Variants in IL36B observed in about 807,000 individuals in gnomAD.
IL36B encodes the protein interleukin 36 beta.
A neutral mutation model predicts 19.3 loss-of-function variants in IL36B; 23 were observed. The ratio of observed to expected loss-of-function variants is 1.19; its 90% CI spans 0.86 to 1.69. IL36B has a LOEUF of 1.69. Among genes scored for constraint, IL36B ranks in the 40% most tolerant of loss-of-function variants. The pLI is 0.00. For missense variants in IL36B, 217 were observed against 200.5 expected (o/e 1.08, Z -0.50); for synonymous variants, 59 against 59.7 (o/e 0.99, Z 0.05).
intron 1 of IL36B, among the ~76,000 whole-genome samples, chr2:113,038,495 A>G (rs902862765): frequency 6.6e-6 from 1 of 152,228 alleles, no homozygotes; most frequent in Non-Finnish European, 1.5e-5. Context: ...CCAGTTTCGA[A>G]AAGTAAGTAT....
chr2:113,048,374 G>A (rs765307295), intron 1 of IL36B, among the ~76,000 whole-genome samples: 5 of 152,110 alleles, frequency 3.3e-5, no homozygotes, highest in African/African-American at 4.8e-5. Context: ...CCCGGGAGGC[G>A]AAGATTGCAG....
At chr2:113,043,858 T>C (rs1334884458) in intron 1 of IL36B, among the ~76,000 whole-genome samples, 1 of 152,206 alleles carries the variant, frequency 6.6e-6, no homozygotes, top group Non-Finnish European at 1.5e-5. Context: ...CCAGCCACAC[T>C]GGTTGTATTT....
chr2:113,027,210 G>A (rs527393777), intron 4 of IL36B, among the ~76,000 whole-genome samples: 5 of 152,282 alleles, frequency 3.3e-5, no homozygotes, highest in African/African-American at 1.2e-4. Context: ...CACATTGACT[G>A]AGGAGAAGAA....
chr2:113,050,521 T>G (rs569440743), intron 1 of IL36B, among the ~76,000 whole-genome samples: 1 of 152,260 alleles, frequency 6.6e-6, no homozygotes, highest in South Asian at 2.1e-4. Context: ...GTTCTGGAGA[T>G]GGATGGTGGT....
At chr2:113,033,738 A>C (rs1685119676) in intron 1 of IL36B, among the ~76,000 whole-genome samples, 1 of 152,198 alleles carries the variant, frequency 6.6e-6, no homozygotes, top group East Asian at 1.9e-4. Context: ...TAGCCGGAAC[A>C]CAGTCTTGCA....
At chr2:113,027,995 C>A (rs1684995579) in intron 4 of IL36B, 4 of 1,614,148 alleles carry the variant, frequency 2.5e-6, no homozygotes, top group Non-Finnish European at 3.4e-6. Context: ...GTGGAGGTGG[C>A]TATGAACCAG....
At chr2:113,047,985 T>G (rs1685377327) in intron 1 of IL36B, among the ~76,000 whole-genome samples, 2 of 152,052 alleles carry the variant, frequency 1.3e-5, no homozygotes, top group Admixed American at 1.3e-4. Context: ...AACAGCAAGA[T>G]GGTAGATATT....
chr2:113,022,333 G>C lies in IL36B; in HGVS notation c.*341C>G, dbSNP rs1684876171. 5.5e-6 allele frequency: 1 copy of C among 181,308 alleles called. No individual in the cohort carries two copies. Among genetic ancestry groups the C allele is most frequent in the Non-Finnish European group, 1.2e-5 (1 of 86,766 alleles). 11.2% of individuals were successfully genotyped at this position (181,308 alleles called of 1,614,324 possible). On this transcript the variant is annotated 3_prime_UTR_variant, in exon 6 of 6. Transcript: ENST00000259213. ...AAAAGAAATAACAGATTGAGCTCTA[G>C]TAGCTTGCTGCTCTGTGGGAATTCA...
intron 1 of IL36B, among the ~76,000 whole-genome samples, chr2:113,034,420 AT>A (rs1237907682): frequency 1.3e-5 from 2 of 152,064 alleles, no homozygotes; most frequent in Non-Finnish European, 2.9e-5. Flanking sequence ...CTAGCCCCTT[AT>A]TTTGCTCAAC....
At chr2:113,032,463 C>T (rs958891414) in intron 1 of IL36B, among the ~76,000 whole-genome samples, 1 of 152,132 alleles carries the variant, frequency 6.6e-6, no homozygotes, top group Non-Finnish European at 1.5e-5. Context: ...CTCCTTCTCT[C>T]AGGATCCTTG....
At chr2:113,030,583 T>G (rs545498365) in intron 3 of IL36B, among the ~76,000 whole-genome samples, 22 of 152,226 alleles carry the variant, frequency 1.4e-4, no homozygotes, top group Non-Finnish European at 2.4e-4. Context: ...ACATTGAAGT[T>G]CTGGATACAG....
Position 113,026,222 on chromosome 2 carries a change from G to C in IL36B, c.272C>G (p.Ser91Cys). ...AGTGTCCTTCCCTATGTTATCTTGGGAGCCCTGAAGCTGGAAGAGAGAAAT... is the reference window on the plus strand; with the variant it reads ...AGTGTCCTTCCCTATGTTATCTTGGCAGCCCTGAAGCTGGAAGAGAGAAAT... Residue 91 changes from serine (S) to cysteine (C), a missense_variant, in exon 5 of 6, where the codon TCC becomes TGC. Physicochemically the swap from Ser to Cys is moderately radical, Grantham distance 112. Transcript: ENST00000259213. The C allele has an allele frequency of 6.2e-7, 1 of 1,613,674 alleles. No individual in the cohort carries two copies. The highest frequency in any genetic ancestry group is 1.1e-5 in the South Asian group (1 of 91,054).
rs534306789 is a variant in IL36B, at chr2:113,051,004, T to C, written c.-58+1813A>G. 3.6e-3 allele frequency among the ~76,000 whole-genome samples: 541 copies of C among 148,594 alleles called. 3 individuals are homozygous for C. The highest frequency in any genetic ancestry group is 0.013 in the African/African-American group (507 of 40,112). On this transcript the variant is annotated intron_variant, in intron 1 of 5. Transcript: ENST00000259213. The stretch of plus-strand genomic sequence containing the variant: ...GGCCGTGCCTCTCAGCCTGGCCTCC[T>C]GATCCTTGAATCGGAGGCCGTGCCT...
At chr2:113,045,483 A>G (rs1407220821) in intron 1 of IL36B, among the ~76,000 whole-genome samples, 1 of 152,212 alleles carries the variant, frequency 6.6e-6, no homozygotes, top group East Asian at 1.9e-4. Context: ...GGGGTCATCA[A>G]TCTTCTTGAA....
chr2:113,049,447 A>G (rs776989618), intron 1 of IL36B, among the ~76,000 whole-genome samples: 1 of 152,200 alleles, frequency 6.6e-6, no homozygotes, highest in Non-Finnish European at 1.5e-5. Flanking sequence ...ACAACAAAAA[A>G]GCAAATAGCC....
At chr2:113,023,853 G>T (rs1365944901) in intron 5 of IL36B, among the ~76,000 whole-genome samples, 2 of 152,134 alleles carry the variant, frequency 1.3e-5, no homozygotes, top group Non-Finnish European at 1.5e-5. Context: ...GATAACCCGT[G>T]TTGTTTTCTT....
chr2:113,043,746 G>A (rs1685299790), intron 1 of IL36B, among the ~76,000 whole-genome samples: 1 of 152,132 alleles, frequency 6.6e-6, no homozygotes, highest in East Asian at 1.9e-4. Context: ...TAGAGAAGGG[G>A]TTTCACCATG....
chr2:113,026,880 C>T (rs536521796), intron 4 of IL36B, among the ~76,000 whole-genome samples: 170 of 152,286 alleles, frequency 1.1e-3, no homozygotes, highest in African/African-American at 3.8e-3. Flanking sequence ...TTTACATTCA[C>T]CATGGTTAGC....
chr2:113,038,686 G>A lies in IL36B; in HGVS notation c.-57-6920C>T, dbSNP rs573510892. On this transcript the variant is annotated intron_variant, in intron 1 of 5. Transcript: ENST00000259213. ...GAATAGTAATGACTTCAAGCCTGAA[G>A]CTCAGATGGCAGGCTGTGGGGTTAG... Among the ~76,000 whole-genome samples, 3 of 152,342 alleles carry A rather than the reference G, an allele frequency of 2.0e-5. No homozygotes were observed. The South Asian group carries it at 6.2e-4, about 32-fold the overall frequency.
Sources: gnomAD v4.1 joint callset for allele counts (sites outside exome capture counted in the v4.1 genomes callset) on GRCh38, gnomAD v4.1.1 for gene constraint, MANE v1.5 for transcripts, NCBI Gene and HGNC (gene_info 2026-07-23, HGNC 2026-07-21) for gene names.